ZMAT4: variants seen among roughly 807,000 people sequenced by gnomAD.
ZMAT4 encodes zinc finger matrin-type 4.
Under a neutral mutation model 28.7 loss-of-function variants are expected in ZMAT4, and 17 were observed. The observed-to-expected ratio is 0.59, with a 90% CI of 0.41 to 0.89. The LOEUF (loss-of-function observed/expected upper bound fraction) is 0.89. Ranked by LOEUF, ZMAT4 falls within the 40% of genes least tolerant of loss-of-function variation. The pLI is 0.00. For synonymous variants in ZMAT4, 117 were observed against 109.2 expected (o/e 1.07, Z -0.44); for missense variants, 240 against 283.8 (o/e 0.85, Z 1.11).
intron 6 of ZMAT4, among the ~76,000 whole-genome samples, chr8:40,573,495 C>T (rs1320646175): frequency 6.6e-6 from 1 of 152,098 alleles, no homozygotes; most frequent in Non-Finnish European, 1.5e-5. Context: ...TTTAAAGTCA[C>T]CAGGCATTGG....
chr8:40,739,780 A>G, intron 3 of ZMAT4, among the ~76,000 whole-genome samples: 1 of 151,926 alleles, frequency 6.6e-6, no homozygotes, highest in East Asian at 1.9e-4. Flanking sequence ...GTTTGTCCTA[A>G]TGCTCTCCCT....
chr8:40,603,694 T>C (rs1352041186), intron 5 of ZMAT4, among the ~76,000 whole-genome samples: 1 of 152,134 alleles, frequency 6.6e-6, no homozygotes, highest in Non-Finnish European at 1.5e-5. Context: ...AGTGGTGCAA[T>C]CTTGGCTCAC....
At chr8:40,895,853 C>T (rs1258119496) in intron 1 of ZMAT4, among the ~76,000 whole-genome samples, 4 of 152,226 alleles carry the variant, frequency 2.6e-5, no homozygotes, top group Non-Finnish European at 2.9e-5. Context: ...GTGCTGGGGG[C>T]TGCCCCTCCT....
intron 5 of ZMAT4, among the ~76,000 whole-genome samples, chr8:40,626,283 A>G (rs1806379443): frequency 6.6e-6 from 1 of 151,312 alleles, no homozygotes; most frequent in Admixed American, 6.6e-5. Context: ...AAGTGCAGCT[A>G]GTGAGGAGAA....
At chr8:40,727,261 A>C (rs1811351854) in intron 3 of ZMAT4, among the ~76,000 whole-genome samples, 1 of 152,100 alleles carries the variant, frequency 6.6e-6, no homozygotes, top group South Asian at 2.1e-4. Context: ...TCGTCATCTC[A>C]GGCAGATACA....
intron 5 of ZMAT4, among the ~76,000 whole-genome samples, chr8:40,631,115 T>C (rs1243082816): frequency 6.6e-6 from 1 of 152,112 alleles, no homozygotes; most frequent in Admixed American, 6.6e-5. Context: ...CACACTGTAA[T>C]GGAATATGAG....
chr8:40,770,987 C>G (rs1303800214), intron 2 of ZMAT4, among the ~76,000 whole-genome samples: 2 of 152,036 alleles, frequency 1.3e-5, no homozygotes, highest in Admixed American at 1.3e-4. Flanking sequence ...CAAAAACTTT[C>G]CTACAACAAG....
rs752832378 is a variant in ZMAT4, at chr8:40,581,259, G to C, written c.580C>G (p.Leu194Val). Reference protein sequence around the residue: ...TTLDMGELRGLRRNYRCTICS... With the variant: ...TTLDMGELRGVRRNYRCTICS... ...ATGGTACATCTGTAATTGCGCCTCA[G>C]ACCTGTGGACAACAGACAGACCTGG... Residue 194 changes from leucine to valine, a missense_variant and splice_region_variant, in exon 6 of 7, where the codon CTG becomes GTG. Transcript: ENST00000297737. 3 of 1,612,646 alleles carry C rather than the reference G, an allele frequency of 1.9e-6. No homozygotes were observed. The Admixed American group carries it at 5.0e-5, about 27-fold the overall frequency.
chr8:40,768,427 C>T (rs1252208822), intron 2 of ZMAT4, among the ~76,000 whole-genome samples: 1 of 152,124 alleles, frequency 6.6e-6, no homozygotes, highest in Non-Finnish European at 1.5e-5. Context: ...CTTCTTTGTT[C>T]CCTATTTCCT....
intron 5 of ZMAT4, among the ~76,000 whole-genome samples, chr8:40,611,858 T>C (rs1023310069): frequency 1.3e-5 from 2 of 152,226 alleles, no homozygotes; most frequent in Non-Finnish European, 2.9e-5. Flanking sequence ...AATTTTACTA[T>C]CATCTATTTT....
intron 3 of ZMAT4, among the ~76,000 whole-genome samples, chr8:40,749,207 A>G (rs1812361120): frequency 6.6e-6 from 1 of 152,078 alleles, no homozygotes; most frequent in African/African-American, 2.4e-5. Context: ...AGACTAATAC[A>G]CTATCAAATA....
chr8:40,770,548 C>CTTT (rs1563472551), intron 2 of ZMAT4, among the ~76,000 whole-genome samples: 10 of 62,344 alleles, frequency 1.6e-4, no homozygotes, highest in African/African-American at 2.3e-4. Flanking sequence ...CTTTCTCTCT[C>CTTT]ATTTTTTTTT....
At chr8:40,885,699 G>GA (rs1420657692) in intron 1 of ZMAT4, among the ~76,000 whole-genome samples, 2 of 152,170 alleles carry the variant, frequency 1.3e-5, no homozygotes. Context: ...GTGGTTCAAG[G>GA]AAGCACACCC....
intron 1 of ZMAT4, among the ~76,000 whole-genome samples, chr8:40,867,332 A>C (rs538004957): frequency 3.1e-4 from 47 of 152,314 alleles, no homozygotes; most frequent in African/African-American, 1.1e-3. Context: ...CATCTGGGCC[A>C]CGTGCAGCTG....
At chr8:40,864,475 A>G (rs1405010027) in intron 1 of ZMAT4, among the ~76,000 whole-genome samples, 6 of 152,168 alleles carry the variant, frequency 3.9e-5, no homozygotes, top group Non-Finnish European at 7.3e-5. Flanking sequence ...GGTCCTCCCT[A>G]TGTAGGTGGG....
At chr8:40,640,464 T>A (rs1806969535) in intron 5 of ZMAT4, among the ~76,000 whole-genome samples, 1 of 152,126 alleles carries the variant, frequency 6.6e-6, no homozygotes. Flanking sequence ...ATTGTTCTCA[T>A]CACAAATGCA....
At chr8:40,839,545 T>C (rs941136796) in intron 1 of ZMAT4, among the ~76,000 whole-genome samples, 2 of 152,188 alleles carry the variant, frequency 1.3e-5, no homozygotes, top group Non-Finnish European at 2.9e-5. Context: ...ACAGCACTAG[T>C]CATGACAGTG....
chr8:40,604,308 G>T (rs1213441158), intron 5 of ZMAT4, among the ~76,000 whole-genome samples: 2 of 152,142 alleles, frequency 1.3e-5, no homozygotes, highest in Non-Finnish European at 2.9e-5. Flanking sequence ...AGTTCCCAGG[G>T]AGAATGCTTT....
At chr8:40,654,574 G>A (rs1387880189) in intron 5 of ZMAT4, among the ~76,000 whole-genome samples, 1 of 152,006 alleles carries the variant, frequency 6.6e-6, no homozygotes. Flanking sequence ...CAAAATGCTA[G>A]CAAACTAAAT....
Sources: allele counts gnomAD v4.1 joint callset (sites outside exome capture counted in the v4.1 genomes callset), GRCh38; gene constraint gnomAD v4.1.1; transcripts MANE v1.5; gene names NCBI Gene and HGNC (gene_info 2026-07-23, HGNC 2026-07-21).